FAM76B: variants seen among roughly 807,000 people sequenced by gnomAD.
FAM76B encodes the protein family with sequence similarity 76 member B, also known as protein FAM76B.
In FAM76B, 16 loss-of-function variants were observed where a neutral mutation model predicts 51.8. The ratio of observed to expected loss-of-function variants is 0.31; its 90% CI spans 0.21 to 0.47. FAM76B has a LOEUF of 0.47. Among genes scored for constraint, FAM76B ranks in the 20% least tolerant of loss-of-function variants. The probability of loss-of-function intolerance (pLI) is 1.00; values close to 1 mark genes in which losing one functional copy is unlikely to be tolerated. For synonymous variants in FAM76B, 166 were observed against 129.5 expected (o/e 1.28, Z -1.91); for missense variants, 342 against 392.6 (o/e 0.87, Z 1.09).
chr11:95,779,792 G>A (rs1860175376), intron 6 of FAM76B, 87 bp downstream of exon 6: 3 of 1,556,756 alleles, frequency 1.9e-6, no homozygotes, highest in Admixed American at 1.9e-5. Flanking sequence ...ACTGATTTTG[G>A]TAAGACTTAA....
intron 1 of FAM76B, 120 bp downstream of exon 1, chr11:95,789,272 G>A (rs1591031970): frequency 1.8e-6 from 2 of 1,133,800 alleles, no homozygotes; most frequent in East Asian, 2.6e-5. Flanking sequence ...GGAGGCGAGG[G>A]CTCCAGACTC....
chr11:95,789,191 G>A (rs939938583), intron 1 of FAM76B: 2 of 986,096 alleles, frequency 2.0e-6, no homozygotes, highest in South Asian at 1.7e-5. Context: ...AAAAGGGCAC[G>A]ATTCTGCCTC....
intron 2 of FAM76B, 24 bp from the exon 3 acceptor site, chr11:95,787,702 T>TGTAG: frequency 6.4e-7 from 1 of 1,566,074 alleles, no homozygotes; most frequent in Non-Finnish European, 8.7e-7. Context: ...TGTATATAGA[T>TGTAG]CATGTTTATG....
intron 8 of FAM76B, among the ~76,000 whole-genome samples, chr11:95,778,521 C>T (rs1047946043): frequency 4.0e-5 from 6 of 151,388 alleles, no homozygotes; most frequent in African/African-American, 1.5e-4. Context: ...ATGAAATATT[C>T]CATTTACATC....
intron 2 of FAM76B, among the ~76,000 whole-genome samples, 161 bp downstream of exon 2, chr11:95,788,338 C>T (rs1007106041): frequency 2.6e-5 from 4 of 152,106 alleles, no homozygotes; most frequent in Non-Finnish European, 4.4e-5. Context: ...TTTTTCGCAA[C>T]ATTCTCTCTC....
chr11:95,786,082 A>C (rs368214236), intron 4 of FAM76B, 37 bp downstream of exon 4: 215 of 1,577,818 alleles, frequency 1.4e-4, no homozygotes, highest in Non-Finnish European at 1.8e-4. Flanking sequence ...CATTTTATTT[A>C]ATTTCCAGAA....
At chr11:95,785,545 T>C (rs972724587) in intron 4 of FAM76B, among the ~76,000 whole-genome samples, 4 of 152,234 alleles carry the variant, frequency 2.6e-5, no homozygotes, top group Admixed American at 2.0e-4. Context: ...ATGGGATATG[T>C]ACATTGCTGT....
chr11:95,789,749 G>A lies in FAM76B; in HGVS notation c.-271C>T, dbSNP rs937311850. The A allele has an allele frequency of 2.9e-5, 13 of 447,480 alleles. No homozygotes were observed. Among genetic ancestry groups the A allele is most frequent in the Non-Finnish European group, 4.7e-5 (12 of 254,004 alleles). 27.7% of individuals were successfully genotyped at this position (447,480 alleles called of 1,614,324 possible). ...GCGGCGGAGGGAGACGAAGCGGGTA[G>A]GGGGTTGCTGTTTAGCTGTGCGGCC... On this transcript the variant is annotated 5_prime_UTR_variant, in exon 1 of 10. Transcript: ENST00000358780.
intron 1 of FAM76B, 55 bp from the exon 2 acceptor site, chr11:95,788,618 T>C (rs1030886808): frequency 4.5e-6 from 7 of 1,539,504 alleles, no homozygotes; most frequent in South Asian, 2.3e-5. Context: ...AAATCTCACT[T>C]TTCTGGTAGA....
chr11:95,783,127 A>T lies in FAM76B; in HGVS notation c.501T>A (p.His167Gln). The T allele has an allele frequency of 3.7e-6, 6 of 1,612,940 alleles. No individual in the cohort carries two copies. Among genetic ancestry groups the T allele is most frequent in the Non-Finnish European group, 5.1e-6 (6 of 1,179,124 alleles). Residue 167 changes from histidine (H) to glutamine (Q), a missense_variant, in exon 5 of 10, where the codon CAT becomes CAA. By Grantham distance (24) the His-to-Gln change is conservative. Transcript: ENST00000358780. ...SSSSLTEKDQHHPKHHHHHHH... is the reference protein window; with the variant it reads ...SSSSLTEKDQQHPKHHHHHHH... ...GATGGTGGTGATGATGTTTTGGATGATGCTGGTCTTTCTCAGTAAGAGATG... is the reference window on the plus strand; with the variant it reads ...GATGGTGGTGATGATGTTTTGGATGTTGCTGGTCTTTCTCAGTAAGAGATG...
chr11:95,779,696 A>G lies in FAM76B; in HGVS notation c.612-9T>C. On this transcript the variant is annotated splice_polypyrimidine_tract_variant and intron_variant, in intron 6 of 9. Coordinates refer to ENST00000358780, the MANE Select transcript of FAM76B (RefSeq NM_144664.5). ...TTGCAGAGGATTTATGGCTGAAACC[A>G]AACATTAATAAGAATAGTTAGAGTA... 6.2e-7 allele frequency: 1 copy of G among 1,606,162 alleles called. No homozygotes were observed. Among genetic ancestry groups the G allele is most frequent in the Non-Finnish European group, 8.5e-7 (1 of 1,176,876 alleles).
chr11:95,777,265 G>A (rs1000642115), intron 8 of FAM76B, among the ~76,000 whole-genome samples: 2 of 151,214 alleles, frequency 1.3e-5, no homozygotes, highest in Admixed American at 6.6e-5. Flanking sequence ...GTTATTTTAG[G>A]TTTACCATTA....
rs1204785363 is a variant in FAM76B, at chr11:95,770,820, AAAC to A, written c.*738_*740del. The A allele has an allele frequency of 1.3e-5, 2 of 151,800 alleles. No individual in the cohort carries two copies. Among genetic ancestry groups the A allele is most frequent in the Non-Finnish European group, 3.0e-5 (2 of 67,446 alleles). 9.4% of individuals were successfully genotyped at this position (151,800 alleles called of 1,614,324 possible). A position where few individuals can be genotyped will look rare whatever the true frequency, so the allele number is the denominator to read the frequency against. The stretch of plus-strand genomic sequence containing the variant: ...CAAACATTTATTAAACATGATTTTA[AAAC>A]AAAATGTATGTACAAAAGATCAGCA... On this transcript the variant is annotated 3_prime_UTR_variant, in exon 10 of 10. Transcript: ENST00000358780.
At chr11:95,789,292 T>C (rs758211781) in intron 1 of FAM76B, 100 bp downstream of exon 1, 84 of 1,342,136 alleles carry the variant, frequency 6.3e-5, no homozygotes, top group Non-Finnish European at 8.5e-5. Context: ...CCCAAACCCC[T>C]GAGGCGCCGG....
At chr11:95,776,901 G>C (rs1012317484) in intron 8 of FAM76B, among the ~76,000 whole-genome samples, 2 of 150,700 alleles carry the variant, frequency 1.3e-5, no homozygotes, top group African/African-American at 2.4e-5. Flanking sequence ...AGCAAAAATA[G>C]AGAAAATCAT....
Position 95,789,634 on chromosome 11 carries a change from G to A in FAM76B, c.-156C>T, listed in dbSNP as rs1343635468. 2 of 561,514 alleles carry A rather than the reference G, an allele frequency of 3.6e-6. No homozygotes were observed. Among genetic ancestry groups the A allele is most frequent in the Non-Finnish European group, 6.0e-6 (2 of 332,002 alleles). 34.8% of individuals were successfully genotyped at this position (561,514 alleles called of 1,614,324 possible). Reference sequence around the variant, plus strand: ...CCTCGCCGCGAGAGCCCAGGGCCCCGCGGACGACGCCACCGTCTCCCTCCG... The same window carrying A: ...CCTCGCCGCGAGAGCCCAGGGCCCCACGGACGACGCCACCGTCTCCCTCCG... On this transcript the variant is annotated 5_prime_UTR_variant, in exon 1 of 10. Transcript: ENST00000358780.
intron 2 of FAM76B, 122 bp downstream of exon 2, chr11:95,788,377 A>T (rs1480534265): frequency 1.9e-5 from 15 of 806,534 alleles, no homozygotes; most frequent in Non-Finnish European, 3.0e-5. Flanking sequence ...TTACAACTTA[A>T]AATTTCTGGG....
intron 5 of FAM76B, 25 bp from the exon 6 acceptor site, chr11:95,779,951 A>G (rs1179016014): frequency 1.9e-6 from 3 of 1,579,154 alleles, no homozygotes; most frequent in Non-Finnish European, 2.6e-6. Flanking sequence ...AATGACATCT[A>G]ATAATGACAT....
intron 1 of FAM76B, 164 bp from the exon 2 acceptor site, chr11:95,788,727 T>C: frequency 3.2e-6 from 4 of 1,267,262 alleles, no homozygotes; most frequent in South Asian, 1.5e-5. Context: ...CCAATCACAA[T>C]ATAATTCCTT....
Sources: gnomAD v4.1 joint callset for allele counts (sites outside exome capture counted in the v4.1 genomes callset) on GRCh38, gnomAD v4.1.1 for gene constraint, MANE v1.5 for transcripts, NCBI Gene and HGNC (gene_info 2026-07-23, HGNC 2026-07-21) for gene names.